The following SNTG2 variants were observed in gnomAD, a reference collection of about 807,000 sequenced individuals.
The protein encoded by SNTG2 is syntrophin gamma 2.
In SNTG2, 74 loss-of-function variants were observed where a neutral mutation model predicts 70.9. That is an observed-to-expected ratio of 1.04 (90% CI 0.86 to 1.27). The LOEUF is 1.27. Ranked by LOEUF, SNTG2 falls within the 50% of genes most tolerant of loss-of-function variation. SNTG2 has a pLI of 0.00. For synonymous variants in SNTG2, 278 were observed against 273.8 expected (o/e 1.02, Z -0.15); for missense variants, 717 against 690.7 (o/e 1.04, Z -0.43).
chr2:1,244,312 TACTA>T (rs1677260841), intron 11 of SNTG2, among the ~76,000 whole-genome samples: 1 of 152,182 alleles, frequency 6.6e-6, no homozygotes, highest in Non-Finnish European at 1.5e-5. Flanking sequence ...TCCTCCCTCT[TACTA>T]ACTTTGTGAT....
chr2:973,744 C>A (rs1424710361), intron 1 of SNTG2, among the ~76,000 whole-genome samples: 1 of 151,876 alleles, frequency 6.6e-6, no homozygotes, highest in Non-Finnish European at 1.5e-5. Flanking sequence ...AGTTTTTATA[C>A]CTTATTTTGA....
At chr2:1,137,891 A>C in intron 6 of SNTG2, 82 bp downstream of exon 6, 1 of 1,274,686 alleles carries the variant, frequency 7.8e-7, no homozygotes, top group Non-Finnish European at 1.1e-6. Flanking sequence ...TATTTCACTG[A>C]GTCTATCCAT....
chr2:1,156,128 G>T (rs866012845), intron 6 of SNTG2, among the ~76,000 whole-genome samples: 1 of 152,200 alleles, frequency 6.6e-6, no homozygotes, highest in Non-Finnish European at 1.5e-5. Context: ...AGGGCCGCCC[G>T]TGGATGTTGC....
intron 9 of SNTG2, among the ~76,000 whole-genome samples, chr2:1,226,848 ATTTTGAAT>A (rs756948276): frequency 6.6e-6 from 1 of 152,212 alleles, no homozygotes; most frequent in Non-Finnish European, 1.5e-5. Flanking sequence ...AATTGATTGT[ATTTTGAAT>A]TTTTAACAGT....
intron 16 of SNTG2, among the ~76,000 whole-genome samples, chr2:1,318,879 G>T (rs1035651262): frequency 6.6e-6 from 1 of 152,170 alleles, no homozygotes; most frequent in Non-Finnish European, 1.5e-5. Flanking sequence ...AGGGTTTCAC[G>T]CCTGCGGTGT....
chr2:970,358 G>A (rs1371010266), intron 1 of SNTG2, among the ~76,000 whole-genome samples: 3 of 150,800 alleles, frequency 2.0e-5, no homozygotes, highest in Admixed American at 6.6e-5. Context: ...ATGCTGGTGC[G>A]CTGCACCCAC....
chr2:1,057,416 C>T (rs1324167194), intron 1 of SNTG2, among the ~76,000 whole-genome samples: 1 of 152,100 alleles, frequency 6.6e-6, no homozygotes, highest in African/African-American at 2.4e-5. Context: ...GTAACTCACA[C>T]GTTCACAAGT....
chr2:983,040 C>CTGCAGAGGTGGTGTCAGGATGAAGAAGT (rs1661166597), intron 1 of SNTG2, among the ~76,000 whole-genome samples: 1 of 149,594 alleles, frequency 6.7e-6, no homozygotes, highest in East Asian at 2.0e-4. Flanking sequence ...GATGAAGAAG[C>CTGCAGAGGTGGTGTCAGGATGAAGAAGT]TGCAGAGGTG....
chr2:1,162,596 C>T (rs1423380893), intron 6 of SNTG2, among the ~76,000 whole-genome samples: 1 of 152,192 alleles, frequency 6.6e-6, no homozygotes, highest in Admixed American at 6.5e-5. Flanking sequence ...CCACACCGCA[C>T]ACTCTGCACC....
At chr2:965,429 G>A (rs964066720) in intron 1 of SNTG2, among the ~76,000 whole-genome samples, 1 of 149,858 alleles carries the variant, frequency 6.7e-6, no homozygotes, top group African/African-American at 2.5e-5. Flanking sequence ...TGATCCCTTG[G>A]CCTCCTTGGT....
chr2:1,075,721 T>C (rs1663873927), intron 1 of SNTG2, among the ~76,000 whole-genome samples: 1 of 152,238 alleles, frequency 6.6e-6, no homozygotes, highest in African/African-American at 2.4e-5. Context: ...ATTCTTTCTG[T>C]TTGTTGGATA....
chr2:1,334,669 T>A (rs1659708630), intron 16 of SNTG2, among the ~76,000 whole-genome samples: 1 of 152,214 alleles, frequency 6.6e-6, no homozygotes, highest in African/African-American at 2.4e-5. Flanking sequence ...GAAGCCATTA[T>A]TCTAAGTGAA....
chr2:964,022 C>T (rs1368875750), intron 1 of SNTG2, among the ~76,000 whole-genome samples: 1 of 152,130 alleles, frequency 6.6e-6, no homozygotes, highest in Admixed American at 6.5e-5. Flanking sequence ...GCTCAGCGAT[C>T]CACGCAGTCA....
intron 6 of SNTG2, among the ~76,000 whole-genome samples, chr2:1,144,761 G>C (rs1668990025): frequency 6.6e-6 from 1 of 152,130 alleles, no homozygotes; most frequent in Non-Finnish European, 1.5e-5. Flanking sequence ...CTGCCACCAT[G>C]ATTCAATTAC....
At chr2:1,354,931 G>A (rs1439148478) in intron 16 of SNTG2, among the ~76,000 whole-genome samples, 3 of 152,214 alleles carry the variant, frequency 2.0e-5, no homozygotes, top group South Asian at 2.1e-4. Flanking sequence ...AGAGCCGGGC[G>A]GAAGTTCTCC....
chr2:1,304,585 G>T (rs991064808), intron 14 of SNTG2, among the ~76,000 whole-genome samples: 3 of 152,076 alleles, frequency 2.0e-5, no homozygotes, highest in Non-Finnish European at 2.9e-5. Flanking sequence ...AAATAGGCGG[G>T]CATGGTGGGG....
intron 9 of SNTG2, among the ~76,000 whole-genome samples, chr2:1,224,633 C>T (rs977670989): frequency 8.5e-5 from 13 of 152,224 alleles, no homozygotes; most frequent in African/African-American, 3.1e-4. Flanking sequence ...GCGGCATCTG[C>T]AGAATGCATT....
At chr2:1,226,112 G>C (rs188405972) in intron 9 of SNTG2, among the ~76,000 whole-genome samples, 4 of 152,222 alleles carry the variant, frequency 2.6e-5, no homozygotes, top group Non-Finnish European at 5.9e-5. Context: ...GCATTCTATT[G>C]ACCAATACCA....
At chr2:1,234,238 G>C (rs35075639) in intron 9 of SNTG2, among the ~76,000 whole-genome samples, 8 of 152,076 alleles carry the variant, frequency 5.3e-5, no homozygotes, top group Admixed American at 5.2e-4. Flanking sequence ...AGCAGATTGC[G>C]TGACTTACAC....
Sources: allele counts gnomAD v4.1 joint callset (sites outside exome capture counted in the v4.1 genomes callset), GRCh38; gene constraint gnomAD v4.1.1; transcripts MANE v1.5; gene names NCBI Gene and HGNC (gene_info 2026-07-23, HGNC 2026-07-21).